The following GNB1 variants were observed in gnomAD, a reference collection of about 807,000 sequenced individuals.
GNB1 encodes the protein guanine nucleotide-binding protein G(I)/G(S)/G(T) subunit beta-1.
In GNB1, 2 loss-of-function variants were observed where a neutral mutation model predicts 42.9. The observed-to-expected ratio is 0.05, with a 90% CI of 0.02 to 0.15. The LOEUF (loss-of-function observed/expected upper bound fraction) is 0.15. Ranked by LOEUF, GNB1 falls within the 10% of genes least tolerant of loss-of-function variation. The probability of loss-of-function intolerance (pLI) is 1.00; values close to 1 mark genes in which losing one functional copy is unlikely to be tolerated. For missense variants in GNB1, 193 were observed against 462.2 expected (o/e 0.42, Z 5.34); for synonymous variants, 183 against 174.7 (o/e 1.05, Z -0.38).
chr1:1,830,022 G>A (rs915222616), intron 2 of GNB1, among the ~76,000 whole-genome samples: 3 of 152,050 alleles, frequency 2.0e-5, no homozygotes, highest in East Asian at 3.9e-4. Context: ...TTACAGGTGT[G>A]AGCCACTGCG....
intron 2 of GNB1, among the ~76,000 whole-genome samples, chr1:1,829,984 C>T (rs1647053692): frequency 6.6e-6 from 1 of 152,096 alleles, no homozygotes; most frequent in Non-Finnish European, 1.5e-5. Context: ...AGGTGATCCG[C>T]CCACCTCGGC....
chr1:1,849,045 G>C (rs557766844), intron 1 of GNB1, among the ~76,000 whole-genome samples: 5 of 152,294 alleles, frequency 3.3e-5, no homozygotes, highest in Admixed American at 2.6e-4. Context: ...TTAGACGGTT[G>C]GGGTTTGAAA....
At chr1:1,799,309 A>G (rs559562550) in intron 7 of GNB1, among the ~76,000 whole-genome samples, 183 of 152,316 alleles carry the variant, frequency 1.2e-3, no homozygotes, top group Non-Finnish European at 1.5e-3. Flanking sequence ...AATATGAAGG[A>G]AATAAAATTT....
intron 1 of GNB1, among the ~76,000 whole-genome samples, chr1:1,872,717 C>G (rs527532091): frequency 6.6e-6 from 1 of 152,270 alleles, no homozygotes; most frequent in African/African-American, 2.4e-5. Flanking sequence ...ACCAAGTGCC[C>G]TCTCCACCCA....
At chr1:1,806,563 C>A (rs909938942) in intron 5 of GNB1, 25 bp from the exon 6 acceptor site, 2 of 1,516,724 alleles carry the variant, frequency 1.3e-6, no homozygotes, top group African/African-American at 2.7e-5. Context: ...AAAAGCAAAC[C>A]TATCAGTACC....
rs768039402 is a variant in GNB1 at position 1,790,551 on chromosome 1, G to A, written c.543C>T (p.Thr181=). ...GGCTCATGACATCTCCAGTGTGTCC[G>A]GTAAACGTGGTCGTCTGCTGGCCGG... ...IETGQQTTTF[T]GHTGDVMSLS... The change falls in exon 9 of 12, where the codon ACC becomes ACT. Residue 181 remains threonine, a synonymous_variant. Coordinates refer to ENST00000378609, the MANE Select transcript of GNB1 (RefSeq NM_002074.5). The surrounding 1 kb of genome is among the most constrained non-coding windows in gnomAD (Gnocchi z 5.4). The A allele has an allele frequency of 1.7e-5, 28 of 1,613,558 alleles. No homozygotes were observed. The highest frequency in any genetic ancestry group is 4.4e-5 in the South Asian group (4 of 91,072).
chr1:1,816,030 G>A (rs143020448), intron 4 of GNB1, among the ~76,000 whole-genome samples, 168 bp from the exon 5 acceptor site: 1 of 152,098 alleles, frequency 6.6e-6, no homozygotes, highest in East Asian at 1.9e-4. Flanking sequence ...AACCCCTTCC[G>A]TACCTCTTAC....
chr1:1,789,666 G>C (rs1646455616), intron 9 of GNB1, among the ~76,000 whole-genome samples: 1 of 128,898 alleles, frequency 7.8e-6, no homozygotes, highest in Non-Finnish European at 1.6e-5. Flanking sequence ...TTGCACCCCA[G>C]CCTGGGCAAC....
At chr1:1,812,617 A>G in intron 5 of GNB1, among the ~76,000 whole-genome samples, 1 of 152,150 alleles carries the variant, frequency 6.6e-6, no homozygotes, top group East Asian at 1.9e-4. Context: ...ACCCTGTCCA[A>G]GAACATGGAC....
At chr1:1,889,075 T>C (rs750113246) in intron 1 of GNB1, among the ~76,000 whole-genome samples, 1 of 152,166 alleles carries the variant, frequency 6.6e-6, no homozygotes, top group African/African-American at 2.4e-5. Context: ...AACCTTACTT[T>C]CAATAAAGAG....
chr1:1,787,537 A>ACAAG lies in GNB1; in HGVS notation c.917-104_917-101dup. 1 of 700,182 alleles carries ACAAG rather than the reference A, an allele frequency of 1.4e-6. No homozygotes were observed. The highest frequency in any genetic ancestry group is 2.4e-6 in the Non-Finnish European group (1 of 408,616). The allele number at this position is 700,182 out of a possible 1,614,324, so 43.4% of individuals were successfully genotyped here. Reference sequence around the variant, plus strand: ...GGACGGATGGTGCATCTCTCATGGGACAAGACCCAGAGTCTCCCACGGCCA... The same window carrying ACAAG: ...GGACGGATGGTGCATCTCTCATGGGACAAGCAAGACCCAGAGTCTCCCACGGCCA... On this transcript the variant is annotated intron_variant, in intron 10 of 11. Coordinates refer to ENST00000378609, the MANE Select transcript of GNB1 (RefSeq NM_002074.5). The surrounding 1 kb of genome is among the most constrained non-coding windows in gnomAD (Gnocchi z 4.4).
chr1:1,833,376 C>T (rs1041535440), intron 2 of GNB1, among the ~76,000 whole-genome samples: 1 of 152,120 alleles, frequency 6.6e-6, no homozygotes, highest in African/African-American at 2.4e-5. Context: ...TGTGGGAATT[C>T]AAAGGGCAAC....
intron 1 of GNB1, among the ~76,000 whole-genome samples, chr1:1,878,991 G>A (rs1649695139): frequency 6.6e-6 from 1 of 152,150 alleles, no homozygotes; most frequent in African/African-American, 2.4e-5. Flanking sequence ...CCCAAAGTCT[G>A]GTCACTCCTT....
At chr1:1,797,774 G>A (rs1290477507) in intron 7 of GNB1, among the ~76,000 whole-genome samples, 2 of 152,186 alleles carry the variant, frequency 1.3e-5, no homozygotes, top group East Asian at 3.9e-4. Flanking sequence ...CACTTTGAAA[G>A]GTTTAGTTCT....
At chr1:1,789,292 G>A in intron 9 of GNB1, 23 bp from the exon 10 acceptor site, 2 of 1,355,038 alleles carry the variant, frequency 1.5e-6, no homozygotes, top group South Asian at 1.2e-5. Context: ...AGCAAATCAA[G>A]ACATCATGTA....
intron 3 of GNB1, 129 bp from the exon 4 acceptor site, chr1:1,818,004 C>T (rs1178508987): frequency 2.8e-6 from 2 of 702,082 alleles, no homozygotes; most frequent in Non-Finnish European, 5.1e-6. Context: ...GAAAGAACGG[C>T]AGAGTCTCCT....
intron 1 of GNB1, among the ~76,000 whole-genome samples, chr1:1,866,995 A>G (rs1218430268): frequency 2.2e-5 from 3 of 136,504 alleles, no homozygotes; most frequent in East Asian, 4.6e-4. Flanking sequence ...GGCCGGGTGC[A>G]GTGGCTCACG....
chr1:1,791,442 T>C (rs1037785460), intron 8 of GNB1, among the ~76,000 whole-genome samples: 9 of 152,350 alleles, frequency 5.9e-5, no homozygotes, highest in Non-Finnish European at 1.0e-4. Context: ...CCCAAAGTGC[T>C]GGGATTACAG....
At chr1:1,837,255 ATT>A (rs35300114) in intron 2 of GNB1, among the ~76,000 whole-genome samples, 3 of 138,262 alleles carry the variant, frequency 2.2e-5, no homozygotes, top group Admixed American at 7.3e-5. Flanking sequence ...CATTGAGTTA[ATT>A]TTTTTTTTTT....
Sources: allele counts gnomAD v4.1 joint callset (sites outside exome capture counted in the v4.1 genomes callset), GRCh38; gene constraint gnomAD v4.1.1; non-coding constraint Gnocchi (gnomAD v3.1); transcripts MANE v1.5; gene names NCBI Gene and HGNC (gene_info 2026-07-23, HGNC 2026-07-21).